Variants in SORCS3 observed in about 807,000 individuals in gnomAD.
SORCS3 encodes sortilin related VPS10 domain containing receptor 3.
In SORCS3, 57 loss-of-function variants were observed where a neutral mutation model predicts 146.3. That is an observed-to-expected ratio of 0.39 (90% CI 0.31 to 0.49). The LOEUF (loss-of-function observed/expected upper bound fraction) is 0.49. SORCS3 is among the 20% of genes least tolerant of loss of function. SORCS3 has a pLI of 0.92. For synonymous variants in SORCS3, 653 were observed against 618.5 expected, an observed-to-expected ratio of 1.06 and a Z score of -0.83; for missense variants, 1,341 against 1,575.5, an observed-to-expected ratio of 0.85 and a Z score of 2.52.
At chr10:105,066,552 C>T (rs1014364598) in intron 5 of SORCS3, among the ~76,000 whole-genome samples, 1 of 152,090 alleles carries the variant, frequency 6.6e-6, no homozygotes. Context: ...ATCTAGAGAC[C>T]TTACTGTATT....
rs779927929 is a variant in SORCS3 at position 105,262,342 on chromosome 10, G to T, written c.3455G>T (p.Trp1152Leu). The T allele has an allele frequency of 4.3e-6, 7 of 1,612,988 alleles. No individual in the cohort carries two copies. In the South Asian group the frequency reaches 7.7e-5, roughly 18 times the overall value. ...LIYKFKRKIP[W>L]INIYAQVQHD... ...CCTGTCCCATGTAGGAAAATCCCTT[G>T]GATTAACATCTATGCTCAAGTCCAA... is the stretch of plus-strand genomic sequence containing the variant. The change falls in exon 26 of 27, where the codon TGG becomes TTG. Residue 1152 changes from tryptophan to leucine, a missense_variant. Trp to Leu is a moderately conservative substitution (Grantham distance 61, BLOSUM62 -2). Coordinates refer to ENST00000369701, the MANE Select transcript of SORCS3 (RefSeq NM_014978.3).
chr10:104,820,488 C>G (rs1032123344), intron 1 of SORCS3, among the ~76,000 whole-genome samples: 6 of 152,156 alleles, frequency 3.9e-5, no homozygotes, highest in African/African-American at 1.4e-4. Context: ...TAACAAAGAT[C>G]AAGAGGCAAG....
At chr10:104,971,412 T>C (rs2054859769) in intron 3 of SORCS3, among the ~76,000 whole-genome samples, 2 of 152,260 alleles carry the variant, frequency 1.3e-5, no homozygotes, top group African/African-American at 4.8e-5. Context: ...CCTCACGGAC[T>C]TATTCTTTCA....
chr10:105,104,683 GC>G (rs1423612025), intron 6 of SORCS3, among the ~76,000 whole-genome samples: 1 of 152,168 alleles, frequency 6.6e-6, no homozygotes, highest in African/African-American at 2.4e-5. Context: ...CCATTTCTTT[GC>G]CTAAAAGTAA....
At chr10:104,642,022 G>GGGGGGCCCCCC in intron 1 of SORCS3, 68 bp downstream of exon 1, 29 of 173,318 alleles carry the variant, frequency 1.7e-4, no homozygotes, top group Non-Finnish European at 2.2e-4. Flanking sequence ...GGGTGGGTGG[G>GGGGGGCCCCCC]AGCGAGGGAC....
intron 1 of SORCS3, among the ~76,000 whole-genome samples, chr10:104,740,187 A>G (rs1016264877): frequency 1.3e-5 from 2 of 152,238 alleles, no homozygotes; most frequent in African/African-American, 4.8e-5. Flanking sequence ...AACAGTCAAA[A>G]TTAATTATTT....
chr10:104,719,456 A>G (rs1277268967), intron 1 of SORCS3, among the ~76,000 whole-genome samples: 2 of 152,202 alleles, frequency 1.3e-5, no homozygotes, highest in South Asian at 2.1e-4. Flanking sequence ...CTCTGAAAGA[A>G]TTCCTCGACT....
intron 19 of SORCS3, among the ~76,000 whole-genome samples, chr10:105,221,130 C>T (rs1280169223): frequency 6.6e-6 from 1 of 151,932 alleles, no homozygotes; most frequent in East Asian, 1.9e-4. Context: ...TTATGGGGTA[C>T]ATGAGATGTT....
At chr10:105,094,473 A>G (rs535478595) in intron 6 of SORCS3, among the ~76,000 whole-genome samples, 2 of 152,284 alleles carry the variant, frequency 1.3e-5, no homozygotes, top group East Asian at 3.9e-4. Context: ...TCATTTATTC[A>G]TTCGCTTACT....
At chr10:104,814,879 A>G (rs1052323376) in intron 1 of SORCS3, among the ~76,000 whole-genome samples, 9 of 152,168 alleles carry the variant, frequency 5.9e-5, no homozygotes, top group Non-Finnish European at 1.0e-4. Context: ...TCACATTATT[A>G]TATATTACAA....
chr10:105,040,100 A>T (rs1013586327), intron 4 of SORCS3, among the ~76,000 whole-genome samples: 7 of 152,154 alleles, frequency 4.6e-5, no homozygotes, highest in African/African-American at 1.7e-4. Context: ...AAGTCTAAGC[A>T]TCTGTCCCTC....
At chr10:104,839,713 C>T (rs772575409) in intron 1 of SORCS3, among the ~76,000 whole-genome samples, 5 of 152,092 alleles carry the variant, frequency 3.3e-5, no homozygotes, top group African/African-American at 4.8e-5. Context: ...GTAATATTCA[C>T]AGAAGTGTGG....
In SORCS3 at chr10:105,252,888, T is replaced by C; in HGVS notation, c.3219T>C (p.Asn1073=). 1.2e-6 allele frequency: 2 copies of C among 1,613,698 alleles called. No homozygotes were observed. Among genetic ancestry groups the C allele is most frequent in the Non-Finnish European group, 1.7e-6 (2 of 1,179,826 alleles). Residue 1073 remains asparagine (N), a synonymous_variant, in exon 23 of 27, where the codon AAT becomes AAC. Coordinates refer to ENST00000369701, the MANE Select transcript of SORCS3 (RefSeq NM_014978.3). ...ACCTGACAGAGAGGAGGAAAGGCAA[T>C]GAAGGGGACCTGGAACAAGTAAGTG... ...PKNLTERRKG[N]EGDLEQIVET...
intron 2 of SORCS3, among the ~76,000 whole-genome samples, chr10:104,896,960 G>A (rs2133587190): frequency 6.6e-6 from 1 of 152,266 alleles, no homozygotes; most frequent in East Asian, 1.9e-4. Flanking sequence ...GAATTATGAT[G>A]GGAATTATGG....
chr10:104,702,819 T>C (rs976667256), intron 1 of SORCS3, among the ~76,000 whole-genome samples: 4 of 152,190 alleles, frequency 2.6e-5, no homozygotes, highest in African/African-American at 9.6e-5. Flanking sequence ...GCAAACCACT[T>C]AATCTCACTG....
intron 1 of SORCS3, among the ~76,000 whole-genome samples, chr10:104,827,227 G>A (rs569198279): frequency 9.9e-5 from 15 of 152,154 alleles, no homozygotes; most frequent in South Asian, 2.1e-4. Flanking sequence ...CTTTCCAGGC[G>A]GTTTTCAATT....
chr10:104,716,634 G>A (rs1252865989), intron 1 of SORCS3, among the ~76,000 whole-genome samples: 2 of 152,164 alleles, frequency 1.3e-5, no homozygotes, highest in Non-Finnish European at 2.9e-5. Context: ...TAGGACCAAG[G>A]AGAGCAAATA....
chr10:105,143,518 C>G (rs1245684578), intron 8 of SORCS3, among the ~76,000 whole-genome samples: 2 of 152,120 alleles, frequency 1.3e-5, no homozygotes, highest in Non-Finnish European at 2.9e-5. Context: ...CTTTATAGTT[C>G]TTATATCCCA....
At chr10:104,826,694 G>A (rs918506715) in intron 1 of SORCS3, among the ~76,000 whole-genome samples, 3 of 152,162 alleles carry the variant, frequency 2.0e-5, no homozygotes, top group African/African-American at 7.2e-5. Flanking sequence ...GGTGAAGATT[G>A]GGATGGCTGT....
Sources: allele counts gnomAD v4.1 joint callset (sites outside exome capture counted in the v4.1 genomes callset), GRCh38; gene constraint gnomAD v4.1.1; transcripts MANE v1.5; gene names NCBI Gene and HGNC (gene_info 2026-07-23, HGNC 2026-07-21).